APC: variants seen among roughly 807,000 people sequenced by gnomAD.
The protein encoded by APC is adenomatous polyposis coli protein.
A neutral mutation model predicts 247.0 loss-of-function variants in APC; 72 were observed. The observed-to-expected ratio is 0.29, with a 90% CI of 0.24 to 0.35. The LOEUF (loss-of-function observed/expected upper bound fraction) is 0.35, where lower values mean the gene tolerates loss of function less well. APC is among the 10% of genes least tolerant of loss of function. APC has a pLI of 1.00. For missense variants in APC, 3,400 were observed against 3,360.7 expected (o/e 1.01, Z -0.29); for synonymous variants, 1,254 against 1,162.5 (o/e 1.08, Z -1.60).
intron 1 of APC, among the ~76,000 whole-genome samples, chr5:112,740,524 CTTTTTTTTTTTTT>C (rs11286305): frequency 3.0e-5 from 3 of 99,136 alleles, no homozygotes; most frequent in African/African-American, 1.2e-4. Flanking sequence ...GTTTTTTTTT[CTTTTTTTTTTTTT>C]TTTTTTGAGA....
At chr5:112,740,524 C>CTTTTTTTTTTTTTTTTTTT (rs11286305) in intron 1 of APC, among the ~76,000 whole-genome samples, 3 of 99,138 alleles carry the variant, frequency 3.0e-5, no homozygotes, top group Non-Finnish European at 5.8e-5. Flanking sequence ...GTTTTTTTTT[C>CTTTTTTTTTTTTTTTTTTT]TTTTTTTTTT....
At chr5:112,753,702 G>T (rs1031870161) in intron 1 of APC, among the ~76,000 whole-genome samples, 1 of 152,072 alleles carries the variant, frequency 6.6e-6, no homozygotes, top group Non-Finnish European at 1.5e-5. Context: ...TGAGTCCCCT[G>T]ATTTCCTTTG....
chr5:112,741,269 A>T (rs1752982382), intron 1 of APC, among the ~76,000 whole-genome samples: 1 of 152,210 alleles, frequency 6.6e-6, no homozygotes, highest in African/African-American at 2.4e-5. Flanking sequence ...ATAATCTAAG[A>T]TATCCTCTAA....
In APC at chr5:112,827,996, A is replaced by G. The variant is rs1432714177; in HGVS notation, c.1616A>G (p.Asp539Gly). The change falls in exon 13 of 16, where the codon GAC (aspartate) becomes GGC (glycine). Residue 539 changes from aspartate (D) to glycine (G), a missense_variant. By Grantham distance (94) the Asp-to-Gly change is moderately conservative. Transcript: ENST00000257430. ...LVAQLKSESE[D>G]LQQVIASVLR... Reference sequence around the variant, plus strand: ...GCCCAACTAAAATCTGAAAGTGAAGACTTACAGCAGGTACTATTTAGAATT... The same window carrying G: ...GCCCAACTAAAATCTGAAAGTGAAGGCTTACAGCAGGTACTATTTAGAATT... 1.2e-6 allele frequency: 2 copies of G among 1,612,388 alleles called. No homozygotes were observed. Among genetic ancestry groups the G allele is most frequent in the African/African-American group, 1.3e-5 (1 of 75,006 alleles).
chr5:112,820,058 C>T (rs972927050), intron 10 of APC, among the ~76,000 whole-genome samples: 7 of 152,102 alleles, frequency 4.6e-5, no homozygotes, highest in Non-Finnish European at 8.8e-5. Context: ...GACCTCAGCC[C>T]CACTCCCGCA....
chr5:112,827,044 A>C, intron 11 of APC, 64 bp from the exon 12 acceptor site: 1 of 1,552,922 alleles, frequency 6.4e-7, no homozygotes, highest in South Asian at 1.1e-5. Flanking sequence ...TTAAGTTACC[A>C]ACTTGGTACC....
rs1554084021 is a variant in APC at position 112,837,815 on chromosome 5, A to C, written c.2221A>C (p.Asn741His). ...TAGGCCTGCGAAGTACAAGGATGCC[A>C]ATATTATGTCTCCTGGCTCAAGCTT... is the stretch of plus-strand genomic sequence containing the variant. Reference protein sequence around the residue: ...ANRPAKYKDANIMSPGSSLPS... With the variant: ...ANRPAKYKDAHIMSPGSSLPS... Residue 741 changes from asparagine to histidine, a missense_variant, in exon 16 of 16, where the codon AAT (asparagine) becomes CAT (histidine). Transcript: ENST00000257430. 1 of 1,614,070 alleles carries C rather than the reference A, an allele frequency of 6.2e-7. No homozygotes were observed. The highest frequency in any genetic ancestry group is 8.5e-7 in the Non-Finnish European group (1 of 1,180,028).
intron 8 of APC, among the ~76,000 whole-genome samples, chr5:112,813,563 A>C (rs376506703): frequency 2.0e-5 from 3 of 152,170 alleles, no homozygotes; most frequent in African/African-American, 7.2e-5. Flanking sequence ...GTTGTCTACC[A>C]AAGTGGAAGT....
At position 112,751,630 on chromosome 5, in the gene APC, T is replaced by G. The variant is rs11954856; in HGVS notation, c.-18-3243T>G. On this transcript the variant is annotated intron_variant, in intron 1 of 15. Coordinates refer to ENST00000257430, the MANE Select transcript of APC (RefSeq NM_000038.6). ...CTGTCTGGTTTCTCTCCCCTATAAA[T>G]GAATGATTTCTGTATATTTTGTACT... Among the ~76,000 whole-genome samples the G allele has an allele frequency of 0.54, 82,492 of 151,662 alleles. 22,957 individuals are homozygous for G. Among genetic ancestry groups the G allele is most frequent in the East Asian group, 0.81 (4,198 of 5,180 alleles).
At chr5:112,715,467 G>A (rs770820856) in intron 1 of APC, among the ~76,000 whole-genome samples, 1 of 152,164 alleles carries the variant, frequency 6.6e-6, no homozygotes, top group Non-Finnish European at 1.5e-5. Flanking sequence ...TAAGAGACCT[G>A]AGTGTTCATG....
chr5:112,800,618 T>C (rs7731851), intron 7 of APC, among the ~76,000 whole-genome samples: 3,595 of 152,196 alleles, frequency 0.024, 146 homozygotes, highest in African/African-American at 0.082. Context: ...AGAAATTCTT[T>C]TATTTCTTTA....
chr5:112,791,175 A>T (rs575555978), intron 6 of APC, among the ~76,000 whole-genome samples: 50 of 152,262 alleles, frequency 3.3e-4, no homozygotes, highest in African/African-American at 9.4e-4. Context: ...ACACACACAC[A>T]ATATATTCCC....
At chr5:112,827,705 T>C (rs913643748) in intron 12 of APC, among the ~76,000 whole-genome samples, 2 of 152,260 alleles carry the variant, frequency 1.3e-5, no homozygotes, top group Non-Finnish European at 2.9e-5. Flanking sequence ...TCACCACTTA[T>C]TCACTTTATT....
At chr5:112,818,861 T>TTTTTTTTTTA in intron 9 of APC, 105 bp from the exon 10 acceptor site, 1 of 1,261,706 alleles carries the variant, frequency 7.9e-7, no homozygotes, top group Non-Finnish European at 1.1e-6. Flanking sequence ...GGGGGTTGTT[T>TTTTTTTTTTA]TGTTTTTTTA....
chr5:112,736,051 A>G (rs937922745), upstream of APC, among the ~76,000 whole-genome samples: 3 of 152,186 alleles, frequency 2.0e-5, no homozygotes, highest in African/African-American at 7.2e-5. Context: ...TTGTTTTGAA[A>G]GACTGTTTTC....
intron 1 of APC, among the ~76,000 whole-genome samples, chr5:112,742,568 C>T (rs756101875): frequency 6.6e-6 from 1 of 152,174 alleles, no homozygotes; most frequent in African/African-American, 2.4e-5. Context: ...GGCTAACTCA[C>T]ATAGTCTCAG....
intron 1 of APC, among the ~76,000 whole-genome samples, chr5:112,712,133 A>G (rs1750888892): frequency 6.6e-6 from 1 of 152,200 alleles, no homozygotes; most frequent in South Asian, 2.1e-4. Flanking sequence ...AATACGGGGA[A>G]GGGGTGGATC....
chr5:112,741,751 CTG>C (rs1370455286), intron 1 of APC, among the ~76,000 whole-genome samples: 1 of 152,084 alleles, frequency 6.6e-6, no homozygotes, highest in African/African-American at 2.4e-5. Context: ...AATTAAAACT[CTG>C]TGCACATTAA....
At chr5:112,772,997 G>C (rs1757226132) in intron 4 of APC, among the ~76,000 whole-genome samples, 1 of 152,118 alleles carries the variant, frequency 6.6e-6, no homozygotes, top group African/African-American at 2.4e-5. Flanking sequence ...GCTGTGAATG[G>C]AGTTCAGGCT....
Sources: gnomAD v4.1 joint callset for allele counts (sites outside exome capture counted in the v4.1 genomes callset) on GRCh38, gnomAD v4.1.1 for gene constraint, MANE v1.5 for transcripts, NCBI Gene and HGNC (gene_info 2026-07-23, HGNC 2026-07-21) for gene names.